The following SLC9A9 variants were observed in gnomAD, a reference collection of about 807,000 sequenced individuals.
SLC9A9 encodes sodium/hydrogen exchanger 9.
A neutral mutation model predicts 77.8 loss-of-function variants in SLC9A9; 62 were observed. The ratio of observed to expected loss-of-function variants is 0.80; its 90% CI spans 0.65 to 0.98. The LOEUF is 0.98. SLC9A9 is among the 50% of genes least tolerant of loss of function. The probability of loss-of-function intolerance (pLI) is 0.00; values close to 1 mark genes in which losing one functional copy is unlikely to be tolerated. For missense variants in SLC9A9, 775 were observed against 774.9 expected (o/e 1.00, Z 0.00); for synonymous variants, 320 against 283.5 (o/e 1.13, Z -1.29).
rs1296229615 is a variant in SLC9A9 at position 143,265,677 on chromosome 3, G to A, written c.*1025C>T. 1 of 404,228 alleles carries A rather than the reference G, an allele frequency of 2.5e-6. No homozygotes were observed. Among genetic ancestry groups the A allele is most frequent in the African/African-American group, 2.1e-5 (1 of 48,752 alleles). 25.0% of individuals were successfully genotyped at this position (404,228 alleles called of 1,614,324 possible). On this transcript the variant is annotated 3_prime_UTR_variant, in exon 16 of 16. Coordinates refer to ENST00000316549, the MANE Select transcript of SLC9A9 (RefSeq NM_173653.4). ...TGTTGGTCTCTGGAATGCAGGCCAT[G>A]AGCCACGCCTTGTAAGGGGGAGACC...
intron 4 of SLC9A9, among the ~76,000 whole-genome samples, chr3:143,755,223 C>G (rs567907859): frequency 6.6e-6 from 1 of 152,174 alleles, no homozygotes; most frequent in African/African-American, 2.4e-5. Context: ...CCCAGCAGCC[C>G]CTAAGCCACC....
chr3:143,743,304 T>C (rs1220295489), intron 4 of SLC9A9, among the ~76,000 whole-genome samples: 3 of 151,350 alleles, frequency 2.0e-5, no homozygotes, highest in Non-Finnish European at 2.9e-5. Context: ...GACAGATAGA[T>C]AGATGATAGA....
intron 2 of SLC9A9, among the ~76,000 whole-genome samples, chr3:143,814,642 A>G (rs774373996): frequency 6.6e-6 from 1 of 152,226 alleles, no homozygotes; most frequent in African/African-American, 2.4e-5. Context: ...CATTTGAGAC[A>G]TAATTTTCCC....
intron 9 of SLC9A9, among the ~76,000 whole-genome samples, chr3:143,540,716 C>T (rs2108629472): frequency 6.6e-6 from 1 of 152,276 alleles, no homozygotes; most frequent in South Asian, 2.1e-4. Flanking sequence ...AGTTGTGATG[C>T]ACTACTCTAT....
intron 6 of SLC9A9, among the ~76,000 whole-genome samples, chr3:143,642,967 C>T (rs1452478071): frequency 6.6e-6 from 1 of 152,074 alleles, no homozygotes; most frequent in Non-Finnish European, 1.5e-5. Context: ...TAATCTTTCT[C>T]ATATTTTTGT....
chr3:143,782,693 C>T (rs1241946548), intron 4 of SLC9A9, among the ~76,000 whole-genome samples: 1 of 152,194 alleles, frequency 6.6e-6, no homozygotes, highest in Non-Finnish European at 1.5e-5. Context: ...TTTCTACTAT[C>T]TCTTCGTCAG....
intron 6 of SLC9A9, among the ~76,000 whole-genome samples, chr3:143,649,196 T>C (rs536700059): frequency 1.7e-4 from 26 of 152,344 alleles, no homozygotes; most frequent in African/African-American, 6.0e-4. Context: ...CACACACTCC[T>C]TGAGATCTCT....
chr3:143,576,912 C>T (rs1178218029), intron 7 of SLC9A9, among the ~76,000 whole-genome samples: 1 of 152,190 alleles, frequency 6.6e-6, no homozygotes, highest in African/African-American at 2.4e-5. Context: ...ACAAGGTTCT[C>T]AGGATGAAAC....
intron 2 of SLC9A9, among the ~76,000 whole-genome samples, chr3:143,822,317 A>G (rs1345801012): frequency 6.6e-6 from 1 of 152,192 alleles, no homozygotes; most frequent in African/African-American, 2.4e-5. Context: ...CTTTTCTGGG[A>G]ACCCATCATA....
At chr3:143,799,808 G>A (rs1242311799) in intron 2 of SLC9A9, among the ~76,000 whole-genome samples, 2 of 152,112 alleles carry the variant, frequency 1.3e-5, no homozygotes, top group African/African-American at 2.4e-5. Context: ...CACGAACACC[G>A]AGCTTCAGGT....
intron 14 of SLC9A9, among the ~76,000 whole-genome samples, chr3:143,280,371 G>A (rs1938180133): frequency 6.7e-6 from 1 of 148,670 alleles, no homozygotes; most frequent in South Asian, 2.1e-4. Flanking sequence ...ATGGAATGAA[G>A]ACTGTTCAGG....
chr3:143,661,307 C>G (rs188928701), intron 5 of SLC9A9, among the ~76,000 whole-genome samples: 64 of 152,254 alleles, frequency 4.2e-4, no homozygotes, highest in African/African-American at 1.5e-3. Context: ...GAAAAGACAG[C>G]AACCTACTTA....
chr3:143,557,378 TG>T (rs1169372732), intron 8 of SLC9A9, among the ~76,000 whole-genome samples: 1 of 151,866 alleles, frequency 6.6e-6, no homozygotes, highest in East Asian at 1.9e-4. Flanking sequence ...TGGCACCGAG[TG>T]GGGTGGGGTG....
intron 4 of SLC9A9, among the ~76,000 whole-genome samples, chr3:143,786,411 C>T (rs375103970): frequency 2.0e-5 from 3 of 152,210 alleles, no homozygotes; most frequent in East Asian, 1.9e-4. Flanking sequence ...TTTTCTCTCC[C>T]CTGTGCTGTT....
intron 14 of SLC9A9, among the ~76,000 whole-genome samples, chr3:143,313,571 A>G (rs907177090): frequency 6.6e-6 from 1 of 152,212 alleles, no homozygotes; most frequent in African/African-American, 2.4e-5. Flanking sequence ...ATCCCTTGCC[A>G]GAATATCAAC....
At chr3:143,333,594 C>A (rs2031839150) in intron 14 of SLC9A9, among the ~76,000 whole-genome samples, 1 of 152,152 alleles carries the variant, frequency 6.6e-6, no homozygotes, top group Non-Finnish European at 1.5e-5. Flanking sequence ...GAAGGTTTGG[C>A]TTTAGGAGGG....
At chr3:143,339,316 G>A (rs1215311075) in intron 14 of SLC9A9, among the ~76,000 whole-genome samples, 3 of 152,146 alleles carry the variant, frequency 2.0e-5, no homozygotes, top group Non-Finnish European at 4.4e-5. Flanking sequence ...AGTATGTAAT[G>A]TCTGTCATCT....
chr3:143,729,492 C>A (rs1560052471), intron 4 of SLC9A9, among the ~76,000 whole-genome samples: 1 of 152,198 alleles, frequency 6.6e-6, no homozygotes, highest in Non-Finnish European at 1.5e-5. Flanking sequence ...CTGTCTCCTC[C>A]ACTGGGCCAG....
intron 4 of SLC9A9, among the ~76,000 whole-genome samples, chr3:143,705,029 ATCTATCTATC>A (rs2108791937): frequency 3.1e-5 from 1 of 32,762 alleles, no homozygotes; most frequent in African/African-American, 9.9e-5. Flanking sequence ...CTATCTATCT[ATCTATCTATC>A]TATATAGATA....
Sources: allele counts gnomAD v4.1 joint callset (sites outside exome capture counted in the v4.1 genomes callset), GRCh38; gene constraint gnomAD v4.1.1; transcripts MANE v1.5; gene names NCBI Gene and HGNC (gene_info 2026-07-23, HGNC 2026-07-21).